Variants in ETFA observed in about 807,000 individuals in gnomAD.
ETFA encodes electron transfer flavoprotein subunit alpha.
ETFA carries 22 observed loss-of-function variants against 46.2 expected under a neutral mutation model. The observed-to-expected ratio is 0.48, with a 90% CI of 0.34 to 0.68. The LOEUF is 0.68. Ranked by LOEUF, ETFA falls within the 30% of genes least tolerant of loss-of-function variation. The probability of loss-of-function intolerance (pLI) is 0.01; values close to 1 mark genes in which losing one functional copy is unlikely to be tolerated. For synonymous variants in ETFA, 131 were observed against 139.9 expected (o/e 0.94, Z 0.45); for missense variants, 345 against 401.1 (o/e 0.86, Z 1.19).
At chr15:76,288,660 TGA>T (rs891799304) in intron 4 of ETFA, among the ~76,000 whole-genome samples, 2 of 147,832 alleles carry the variant, frequency 1.4e-5, no homozygotes, top group Admixed American at 1.4e-4. Flanking sequence ...TGCAGTGAGC[TGA>T]GATAGTACCA....
At position 76,302,309 on chromosome 15, in the gene ETFA, T is replaced by C. The variant is rs2039887285; in HGVS notation, c.40-6572A>G. Among the ~76,000 whole-genome samples, 4 of 151,788 alleles carry C rather than the reference T, an allele frequency of 2.6e-5. No individual in the cohort carries two copies. The South Asian group carries it at 8.3e-4, about 32-fold the overall frequency. On this transcript the variant is annotated intron_variant, in intron 1 of 11. Transcript: ENST00000557943. ...CCTTCAGTAAGTGAATAAATATTCA[T>C]ACAATGGAATCTTATTCAGCAGTAA...
Position 76,283,892 on chromosome 15 carries a change from T to C in ETFA, c.665-67A>G. On this transcript the variant is annotated intron_variant, in intron 7 of 11. Transcript: ENST00000557943. ...AATACATTCTGGAACAATTTTGCTA[T>C]TTTATATACTGGAGTAAATTTTCAT... 4 of 1,145,246 alleles carry C rather than the reference T, an allele frequency of 3.5e-6. 1 individual carries two copies. The highest frequency in any genetic ancestry group is 2.0e-4 in the Middle Eastern group (1 of 5,072). 70.9% of individuals were successfully genotyped at this position (1,145,246 alleles called of 1,614,324 possible). A position where few individuals can be genotyped will look rare whatever the true frequency, so the allele number is the denominator to read the frequency against.
chr15:76,282,123 C>G (rs933929136), intron 8 of ETFA, among the ~76,000 whole-genome samples: 24 of 151,938 alleles, frequency 1.6e-4, no homozygotes, highest in Admixed American at 4.6e-4. Context: ...AGGCTAGTCT[C>G]AAACTCCGGA....
chr15:76,220,827 C>G (rs957240935), intron 11 of ETFA, among the ~76,000 whole-genome samples: 3 of 152,280 alleles, frequency 2.0e-5, no homozygotes, highest in African/African-American at 7.2e-5. Context: ...CAGACAATAA[C>G]ATACATTAAT....
intron 1 of ETFA, among the ~76,000 whole-genome samples, chr15:76,300,638 C>T (rs1172791358): frequency 1.3e-5 from 2 of 152,206 alleles, no homozygotes; most frequent in Non-Finnish European, 2.9e-5. Context: ...TGACACAAAT[C>T]TAACATGTTA....
intron 10 of ETFA, chr15:76,230,917 A>AG (rs2141463278): frequency 5.6e-6 from 1 of 178,444 alleles, no homozygotes; most frequent in Non-Finnish European, 1.2e-5. Context: ...AGACAGAGAG[A>AG]GAATCAGGGA....
chr15:76,261,449 C>T (rs35831705), intron 9 of ETFA: 240,372 of 909,472 alleles, frequency 0.26, 36,406 homozygotes, highest in East Asian at 0.56. Context: ...CAGTTCTGGA[C>T]CACAGACCCA....
intron 9 of ETFA, among the ~76,000 whole-genome samples, chr15:76,240,666 A>G (rs896041493): frequency 2.6e-5 from 4 of 152,156 alleles, no homozygotes; most frequent in Admixed American, 1.3e-4. Flanking sequence ...TGGCCTTTCA[A>G]TGTTTTCTAA....
intron 1 of ETFA, among the ~76,000 whole-genome samples, chr15:76,296,420 G>A (rs2039823640): frequency 6.6e-6 from 1 of 152,008 alleles, no homozygotes; most frequent in African/African-American, 2.4e-5. Flanking sequence ...ACTAGGAACT[G>A]GTCAAATTCT....
At chr15:76,306,934 TTTC>T (rs1422456203) in intron 1 of ETFA, among the ~76,000 whole-genome samples, 1 of 152,188 alleles carries the variant, frequency 6.6e-6, no homozygotes, top group Non-Finnish European at 1.5e-5. Context: ...ATTGGCTCTC[TTTC>T]TTCTTTCAAT....
chr15:76,256,487 C>G (rs1403192028), intron 9 of ETFA, among the ~76,000 whole-genome samples: 1 of 152,152 alleles, frequency 6.6e-6, no homozygotes, highest in Non-Finnish European at 1.5e-5. Flanking sequence ...CAAAGAAAAT[C>G]TGACAGGCAT....
At chr15:76,264,699 A>G (rs766238078) in intron 9 of ETFA, among the ~76,000 whole-genome samples, 2 of 152,246 alleles carry the variant, frequency 1.3e-5, no homozygotes, top group Non-Finnish European at 2.9e-5. Flanking sequence ...AGCTGAATAT[A>G]TTAAGGCTTG....
chr15:76,226,669 G>A (rs1596188728), intron 10 of ETFA, among the ~76,000 whole-genome samples: 1 of 152,234 alleles, frequency 6.6e-6, no homozygotes, highest in South Asian at 2.1e-4. Context: ...ACAAGGTCAG[G>A]AGATCAAGAC....
At chr15:76,299,330 C>T (rs922098766) in intron 1 of ETFA, among the ~76,000 whole-genome samples, 1 of 152,178 alleles carries the variant, frequency 6.6e-6, no homozygotes, top group African/African-American at 2.4e-5. Context: ...ATTACCCAGT[C>T]TTGAATACAG....
intron 7 of ETFA, chr15:76,285,008 G>A (rs2039693101): frequency 3.5e-6 from 1 of 284,468 alleles, no homozygotes; most frequent in South Asian, 2.7e-5. Flanking sequence ...AATGATACTT[G>A]CAATAGAAGG....
chr15:76,284,901 G>T, intron 7 of ETFA: 1 of 403,308 alleles, frequency 2.5e-6, no homozygotes, highest in Non-Finnish European at 4.9e-6. Flanking sequence ...TTGCACTCCA[G>T]CCTAGGCAAC....
intron 1 of ETFA, 77 bp downstream of exon 1, chr15:76,311,273 G>A (rs2039995076): frequency 1.3e-6 from 2 of 1,497,730 alleles, no homozygotes; most frequent in African/African-American, 1.4e-5. Flanking sequence ...GGGGGCCAGT[G>A]ATCTTTGCAA....
At chr15:76,291,905 C>G (rs968254613) in intron 4 of ETFA, among the ~76,000 whole-genome samples, 4 of 152,092 alleles carry the variant, frequency 2.6e-5, no homozygotes, top group African/African-American at 9.7e-5. Context: ...ACTCCTCCCT[C>G]CATTTTTAAC....
rs774023966 is a variant in ETFA, at chr15:76,283,812, C to T, written c.678G>A (p.Lys226=). 1.9e-6 allele frequency: 3 copies of T among 1,610,908 alleles called. No individual in the cohort carries two copies. Among genetic ancestry groups the T allele is most frequent in the South Asian group, 2.2e-5 (2 of 90,830 alleles). ...ATAACAACTTAAAGTTCTCTCCACT[C>T]TTCAAGCCTCGACCTCATTTAAAAA... is the stretch of plus-strand genomic sequence containing the variant. ...KVVVSGGRGL[K]SGENFKLLYD... The change falls in exon 8 of 12, where the codon AAG becomes AAA. Residue 226 remains lysine, a synonymous_variant. Coordinates refer to ENST00000557943, the MANE Select transcript of ETFA (RefSeq NM_000126.4).
Sources: gnomAD v4.1 joint callset for allele counts (sites outside exome capture counted in the v4.1 genomes callset) on GRCh38, gnomAD v4.1.1 for gene constraint, MANE v1.5 for transcripts, NCBI Gene and HGNC (gene_info 2026-07-23, HGNC 2026-07-21) for gene names.